CNST: variants seen among roughly 807,000 people sequenced by gnomAD.
CNST encodes consortin.
In CNST, 39 loss-of-function variants were observed where a neutral mutation model predicts 72.4. That is an observed-to-expected ratio of 0.54 (90% confidence interval 0.42 to 0.70). The LOEUF (loss-of-function observed/expected upper bound fraction) is 0.70, where lower values mean the gene tolerates loss of function less well. Ranked by LOEUF, CNST falls within the 30% of genes least tolerant of loss-of-function variation. The probability of loss-of-function intolerance (pLI) is 0.00; values close to 1 mark genes in which losing one functional copy is unlikely to be tolerated. For missense variants in CNST, 871 were observed against 868.5 expected, an observed-to-expected ratio of 1.00 and a Z score of -0.04; for synonymous variants, 332 against 320.1, an observed-to-expected ratio of 1.04 and a Z score of -0.40.
At chr1:246,645,621 G>A (rs1438238798) in intron 8 of CNST, among the ~76,000 whole-genome samples, 2 of 151,662 alleles carry the variant, frequency 1.3e-5, no homozygotes, top group African/African-American at 2.4e-5. Flanking sequence ...TAGAGACGGG[G>A]TTTCACCGTG....
chr1:246,575,881 T>C (rs575747977), intron 1 of CNST, among the ~76,000 whole-genome samples: 1 of 152,198 alleles, frequency 6.6e-6, no homozygotes, highest in South Asian at 2.1e-4. Context: ...AAAAATAATA[T>C]AAGCTTATTC....
chr1:246,569,925 A>T, intron 1 of CNST: 1 of 983,354 alleles, frequency 1.0e-6, no homozygotes, highest in Non-Finnish European at 1.2e-6. Flanking sequence ...CTTCAAGAAG[A>T]TTGAACTTTA....
rs565950426 is a variant in CNST at position 246,632,240 on chromosome 1, A to G, written c.616+316A>G. 8 of 291,544 alleles carry G rather than the reference A, an allele frequency of 2.7e-5. No individual in the cohort carries two copies. In the Admixed American group the frequency reaches 3.0e-4, roughly 11 times the overall value. The allele number at this position is 291,544 out of a possible 1,614,324, so 18.1% of individuals were successfully genotyped here. A position where few individuals can be genotyped will look rare whatever the true frequency, so the allele number is the denominator to read the frequency against. On this transcript the variant is annotated intron_variant, in intron 4 of 10. Coordinates refer to ENST00000366513, the MANE Select transcript of CNST (RefSeq NM_152609.3). ...ATTATTTTTATGTACAGAACACTCAACAGTGTACATTTAACCCAGTTTAGC... is the reference window on the plus strand; with the variant it reads ...ATTATTTTTATGTACAGAACACTCAGCAGTGTACATTTAACCCAGTTTAGC...
intron 3 of CNST, among the ~76,000 whole-genome samples, chr1:246,623,918 C>T (rs1664252973): frequency 6.8e-6 from 1 of 146,622 alleles, no homozygotes; most frequent in Non-Finnish European, 1.5e-5. Context: ...AAAAATGTAG[C>T]CAGGCACGGT....
At chr1:246,651,033 G>A (rs1666418943) in intron 9 of CNST, among the ~76,000 whole-genome samples, 1 of 152,032 alleles carries the variant, frequency 6.6e-6, no homozygotes, top group Non-Finnish European at 1.5e-5. Context: ...AGTCTTCCCT[G>A]TGTTTGGTGC....
intron 5 of CNST, 27 bp downstream of exon 5, chr1:246,634,037 G>A: frequency 7.1e-7 from 1 of 1,400,668 alleles, no homozygotes; most frequent in Non-Finnish European, 1.0e-6. Flanking sequence ...ATGGAATGTG[G>A]AATTAGCAGT....
At chr1:246,646,279 C>CAAAAAA (rs550697329) in intron 8 of CNST, among the ~76,000 whole-genome samples, 4 of 99,406 alleles carry the variant, frequency 4.0e-5, no homozygotes, top group African/African-American at 1.3e-4. Context: ...AACTCCGTCT[C>CAAAAAA]AAAAAAAAAA....
chr1:246,652,374 G>C (rs1280825420), intron 9 of CNST, among the ~76,000 whole-genome samples: 5 of 152,164 alleles, frequency 3.3e-5, no homozygotes, highest in African/African-American at 4.8e-5. Context: ...TACACACATA[G>C]AGATGAGGTA....
rs770214516 is a variant in CNST at position 246,665,925 on chromosome 1, A to ATGCT, written c.*21_*24dup. 9 of 1,556,298 alleles carry ATGCT rather than the reference A, an allele frequency of 5.8e-6. No individual in the cohort carries two copies. The Middle Eastern group carries it at 7.3e-4, about 127-fold the overall frequency. ...TCCTAGCAGCATTCCAGACACAGACATGCTGGCAGTGAGAGTGAAAGGCGG... is the reference window on the plus strand; with the variant it reads ...TCCTAGCAGCATTCCAGACACAGACATGCTTGCTGGCAGTGAGAGTGAAAGGCGG... On this transcript the variant is annotated 3_prime_UTR_variant, in exon 11 of 11. Transcript: ENST00000366513.
At chr1:246,595,795 T>C (rs1241372036) in intron 2 of CNST, among the ~76,000 whole-genome samples, 3 of 152,020 alleles carry the variant, frequency 2.0e-5, no homozygotes, top group Admixed American at 1.3e-4. Context: ...ATAAAGTAAA[T>C]TTATTCACTC....
At chr1:246,637,095 G>T (rs891459623) in intron 6 of CNST, among the ~76,000 whole-genome samples, 11 of 152,184 alleles carry the variant, frequency 7.2e-5, no homozygotes, top group Admixed American at 2.0e-4. Flanking sequence ...TTAAGAAAAA[G>T]AAAATTTTTT....
At chr1:246,607,284 G>A (rs1224488901) in intron 2 of CNST, 3 of 151,920 alleles carry the variant, frequency 2.0e-5, no homozygotes, top group African/African-American at 2.4e-5. Context: ...CCCATGCCAC[G>A]GCCACTGTTC....
At chr1:246,580,170 C>T (rs968300625) in intron 1 of CNST, among the ~76,000 whole-genome samples, 1 of 151,976 alleles carries the variant, frequency 6.6e-6, no homozygotes, top group African/African-American at 2.4e-5. Flanking sequence ...TAAGATGTAA[C>T]ATTACCAGTT....
chr1:246,647,309 A>G lies in CNST; in HGVS notation c.1108A>G (p.Thr370Ala), dbSNP rs780945059. 1.9e-6 allele frequency: 3 copies of G among 1,614,118 alleles called. No homozygotes were observed. In the South Asian group the frequency reaches 3.3e-5, roughly 18 times the overall value. The change falls in exon 9 of 11, where the codon ACG (threonine) becomes GCG (alanine). Residue 370 changes from threonine to alanine, a missense_variant. Coordinates refer to ENST00000366513, the MANE Select transcript of CNST (RefSeq NM_152609.3). The stretch of plus-strand genomic sequence containing the variant: ...GGAGCTGCTCTGCAGCGCTGAAGCC[A>G]CGTTAGCGCTCCACACCCAGTCCTC... ...MEELLCSAEA[T>A]LALHTQSSET... is the part of the protein sequence containing the mutation.
chr1:246,631,784 TA>T, intron 3 of CNST, 109 bp from the exon 4 acceptor site: 5 of 774,998 alleles, frequency 6.5e-6, no homozygotes, highest in Non-Finnish European at 9.0e-6. Context: ...AGAGTTTTCT[TA>T]ATTTGATATC....
chr1:246,628,777 G>C (rs1230105000), intron 3 of CNST, among the ~76,000 whole-genome samples: 1 of 152,160 alleles, frequency 6.6e-6, no homozygotes, highest in Non-Finnish European at 1.5e-5. Flanking sequence ...ATGAATTTGT[G>C]AGGGGGACAC....
At chr1:246,604,861 G>GT (rs1662597881) in intron 2 of CNST, among the ~76,000 whole-genome samples, 2 of 152,136 alleles carry the variant, frequency 1.3e-5, no homozygotes, top group African/African-American at 4.8e-5. Flanking sequence ...TAGAGATGGG[G>GT]TTTTACCATA....
At chr1:246,581,020 T>C (rs935013149) in intron 1 of CNST, among the ~76,000 whole-genome samples, 1 of 152,104 alleles carries the variant, frequency 6.6e-6, no homozygotes, top group Non-Finnish European at 1.5e-5. Flanking sequence ...ATTACAGGCA[T>C]GCGCCACCAC....
At chr1:246,578,123 CTA>C (rs1390069580) in intron 1 of CNST, among the ~76,000 whole-genome samples, 1 of 152,028 alleles carries the variant, frequency 6.6e-6, no homozygotes, top group Non-Finnish European at 1.5e-5. Context: ...TATGCCTGGG[CTA>C]TGTTTTGGTG....
Sources: gnomAD v4.1 joint callset for allele counts (sites outside exome capture counted in the v4.1 genomes callset) on GRCh38, gnomAD v4.1.1 for gene constraint, MANE v1.5 for transcripts, NCBI Gene and HGNC (gene_info 2026-07-23, HGNC 2026-07-21) for gene names.